The following GABBR2 variants were observed in gnomAD, a reference collection of about 807,000 sequenced individuals.
GABBR2 encodes gamma-aminobutyric acid type B receptor subunit 2, also known as G-protein coupled receptor 51.
In GABBR2, 23 loss-of-function variants were observed where a neutral mutation model predicts 105.6. The ratio of observed to expected loss-of-function variants is 0.22; its 90% CI spans 0.16 to 0.31. The LOEUF (loss-of-function observed/expected upper bound fraction) is 0.31, where lower values mean the gene tolerates loss of function less well. Ranked by LOEUF, GABBR2 falls within the 10% of genes least tolerant of loss-of-function variation. GABBR2 has a pLI of 1.00. For synonymous variants in GABBR2, 478 were observed against 499.7 expected (o/e 0.96, Z 0.58); for missense variants, 734 against 1,245.5 (o/e 0.59, Z 6.18).
chr9:98,529,442 G>C (rs918694017), intron 3 of GABBR2, among the ~76,000 whole-genome samples: 1 of 152,182 alleles, frequency 6.6e-6, no homozygotes, highest in Non-Finnish European at 1.5e-5. Flanking sequence ...GATAGCAAGA[G>C]CATGTATTTA....
chr9:98,446,404 C>A (rs1214349002), intron 7 of GABBR2, among the ~76,000 whole-genome samples: 1 of 152,204 alleles, frequency 6.6e-6, no homozygotes, highest in African/African-American at 2.4e-5. Flanking sequence ...ATGTAAGTAA[C>A]TTCTCCAAGG....
chr9:98,655,417 G>C (rs1234987588), intron 1 of GABBR2, among the ~76,000 whole-genome samples: 5 of 152,186 alleles, frequency 3.3e-5, no homozygotes, highest in Non-Finnish European at 7.4e-5. Context: ...AAAAGGTACA[G>C]AAGCTAGGGC....
At chr9:98,369,135 C>CA (rs755736555) in intron 12 of GABBR2, among the ~76,000 whole-genome samples, 1 of 152,230 alleles carries the variant, frequency 6.6e-6, no homozygotes, top group Non-Finnish European at 1.5e-5. Context: ...TCCACAGCCA[C>CA]AGCTGAGGAA....
chr9:98,405,639 T>C (rs1020618919), intron 8 of GABBR2, among the ~76,000 whole-genome samples: 1 of 152,172 alleles, frequency 6.6e-6, no homozygotes, highest in African/African-American at 2.4e-5. Flanking sequence ...GTCCCTGATA[T>C]AAAATGGGGT....
At chr9:98,356,506 G>A (rs1257238457) in intron 13 of GABBR2, among the ~76,000 whole-genome samples, 5 of 152,162 alleles carry the variant, frequency 3.3e-5, no homozygotes, top group South Asian at 2.1e-4. Context: ...AAACACTGAC[G>A]ACACCAAATG....
intron 3 of GABBR2, among the ~76,000 whole-genome samples, chr9:98,504,654 T>A (rs1827469860): frequency 6.6e-6 from 1 of 152,248 alleles, no homozygotes; most frequent in South Asian, 2.1e-4. Flanking sequence ...TGTGCCGAAA[T>A]GTCACTCCTC....
At chr9:98,505,340 A>C (rs1289444335) in intron 3 of GABBR2, among the ~76,000 whole-genome samples, 3 of 152,146 alleles carry the variant, frequency 2.0e-5, no homozygotes, top group Non-Finnish European at 4.4e-5. Flanking sequence ...GCAAGTGTGT[A>C]ACTGAATATG....
intron 7 of GABBR2, among the ~76,000 whole-genome samples, chr9:98,408,971 G>C (rs972008550): frequency 2.6e-5 from 4 of 152,148 alleles, no homozygotes; most frequent in African/African-American, 9.7e-5. Context: ...GCTTTAGTTG[G>C]GTAGTTAGGG....
At chr9:98,381,904 G>T (rs1831983610) in intron 11 of GABBR2, among the ~76,000 whole-genome samples, 1 of 152,164 alleles carries the variant, frequency 6.6e-6, no homozygotes, top group Non-Finnish European at 1.5e-5. Flanking sequence ...GAAAAGCCCT[G>T]GGTGTGGGGG....
intron 1 of GABBR2, among the ~76,000 whole-genome samples, chr9:98,660,257 T>C (rs1365246801): frequency 6.6e-6 from 1 of 152,226 alleles, no homozygotes; most frequent in African/African-American, 2.4e-5. Context: ...TCAGAGAAGA[T>C]ACAGGTTTTA....
At chr9:98,303,659 GAGTCT>G (rs1365437653) in intron 15 of GABBR2, among the ~76,000 whole-genome samples, 2 of 152,238 alleles carry the variant, frequency 1.3e-5, no homozygotes, top group East Asian at 3.9e-4. Flanking sequence ...TGGTCACTAA[GAGTCT>G]AGTCTCCTGA....
chr9:98,298,945 T>G (rs1830424804), intron 17 of GABBR2, among the ~76,000 whole-genome samples: 1 of 152,200 alleles, frequency 6.6e-6, no homozygotes, highest in Non-Finnish European at 1.5e-5. Flanking sequence ...CTGCCCCCAG[T>G]CAGGACACTG....
intron 3 of GABBR2, among the ~76,000 whole-genome samples, chr9:98,529,423 A>G (rs911238511): frequency 1.3e-5 from 2 of 152,232 alleles, no homozygotes; most frequent in Non-Finnish European, 2.9e-5. Flanking sequence ...ATTGCTAAGA[A>G]GCCATTTCGA....
chr9:98,648,116 T>TGTGTGTGTGTGTATAGATAGATAGATAG, intron 1 of GABBR2, among the ~76,000 whole-genome samples: 21 of 55,952 alleles, frequency 3.8e-4, no homozygotes, highest in East Asian at 9.4e-4. Flanking sequence ...TGTGTGTGTG[T>TGTGTGTGTGTGTATAGATAGATAGATAG]ATAGATAGAT....
chr9:98,304,597 G>A (rs1338848800), intron 15 of GABBR2, among the ~76,000 whole-genome samples: 3 of 152,206 alleles, frequency 2.0e-5, no homozygotes, highest in Non-Finnish European at 4.4e-5. Flanking sequence ...GTATTCCAGT[G>A]CAGAGCTCAC....
chr9:98,349,286 C>T (rs532855852), intron 13 of GABBR2, among the ~76,000 whole-genome samples: 1 of 146,518 alleles, frequency 6.8e-6, no homozygotes, highest in Admixed American at 6.9e-5. Flanking sequence ...CCCACTTGGT[C>T]GTGGTGTATT....
At chr9:98,642,050 A>G (rs1207071124) in intron 1 of GABBR2, among the ~76,000 whole-genome samples, 1 of 152,220 alleles carries the variant, frequency 6.6e-6, no homozygotes, top group African/African-American at 2.4e-5. Context: ...CAGCCCTGGG[A>G]ACAGTTCTGC....
intron 3 of GABBR2, among the ~76,000 whole-genome samples, chr9:98,497,545 G>A (rs1827306629): frequency 6.6e-6 from 1 of 152,186 alleles, no homozygotes; most frequent in African/African-American, 2.4e-5. Flanking sequence ...GGTTTTAGTA[G>A]CAAGAACTAG....
intron 13 of GABBR2, among the ~76,000 whole-genome samples, chr9:98,329,867 C>T (rs940450230): frequency 5.3e-5 from 8 of 149,838 alleles, no homozygotes; most frequent in African/African-American, 1.8e-4. Flanking sequence ...TTCTTCTTCT[C>T]TCTCTCTCTC....
Sources: allele counts gnomAD v4.1 joint callset (sites outside exome capture counted in the v4.1 genomes callset), GRCh38; gene constraint gnomAD v4.1.1; transcripts MANE v1.5; gene names NCBI Gene and HGNC (gene_info 2026-07-23, HGNC 2026-07-21).